The following UMAD1 variants were observed in gnomAD, a reference collection of about 807,000 sequenced individuals.
UMAD1 encodes the protein UBAP1-MVB12-associated (UMA) domain containing 1.
A neutral mutation model predicts 6.1 loss-of-function variants in UMAD1; 8 were observed. That is an observed-to-expected ratio of 1.30 (90% CI 0.76 to 2.35). The LOEUF is 2.35. Ranked by LOEUF, UMAD1 falls within the 30% of genes most tolerant of loss-of-function variation. The pLI, the probability that UMAD1 is intolerant of heterozygous loss-of-function variation, is 0.00. For synonymous variants in UMAD1, 56 were observed against 31.4 expected (o/e 1.78, Z -2.61); for missense variants, 130 against 78.4 (o/e 1.66, Z -2.49).
intron 2 of UMAD1, among the ~76,000 whole-genome samples, chr7:7,749,380 G>A (rs1250807713): frequency 6.6e-6 from 1 of 152,162 alleles, no homozygotes; most frequent in Non-Finnish European, 1.5e-5. Context: ...TATTCCACGT[G>A]AAAGCTATGT....
intron 2 of UMAD1, among the ~76,000 whole-genome samples, chr7:7,773,131 C>G (rs1412884049): frequency 2.0e-5 from 3 of 152,060 alleles, no homozygotes; most frequent in Non-Finnish European, 4.4e-5. Flanking sequence ...AGAGATTTGC[C>G]TTCAAAACAA....
At chr7:7,802,936 C>G (rs1421682128) in intron 3 of UMAD1, among the ~76,000 whole-genome samples, 2 of 152,050 alleles carry the variant, frequency 1.3e-5, no homozygotes, top group East Asian at 1.9e-4. Context: ...AAAAATCATC[C>G]TATTTAAAAC....
At chr7:7,696,079 C>T (rs556610904) in intron 2 of UMAD1, among the ~76,000 whole-genome samples, 1 of 149,072 alleles carries the variant, frequency 6.7e-6, no homozygotes, top group South Asian at 2.2e-4. Context: ...GATCACAGCT[C>T]ACTGCAGCCT....
intron 3 of UMAD1, among the ~76,000 whole-genome samples, chr7:7,845,967 G>A (rs1033006421): frequency 6.6e-6 from 1 of 152,034 alleles, no homozygotes; most frequent in Admixed American, 6.6e-5. Context: ...ATTTTCTCTT[G>A]CTAAGCTTTA....
chr7:7,801,492 C>T (rs1018458238), intron 2 of UMAD1, among the ~76,000 whole-genome samples, 178 bp from the exon 3 acceptor site: 1 of 152,122 alleles, frequency 6.6e-6, no homozygotes, highest in Non-Finnish European at 1.5e-5. Flanking sequence ...ATATATGAGA[C>T]CTGTTTATAA....
At chr7:7,848,875 C>T (rs1460068789) in intron 3 of UMAD1, among the ~76,000 whole-genome samples, 5 of 152,078 alleles carry the variant, frequency 3.3e-5, no homozygotes, top group Non-Finnish European at 5.9e-5. Context: ...ATTTAAACTA[C>T]TTTCTCAATT....
In UMAD1 at chr7:7,782,147, T is replaced by C. The variant is rs148841039; in HGVS notation, c.83-19523T>C. The stretch of plus-strand genomic sequence containing the variant: ...TAAAAACTTCTCTTTTTATTATCTG[T>C]TCTCTATTTTGCTTCTCTGTTTTGT... On this transcript the variant is annotated intron_variant, in intron 2 of 3. Transcript: ENST00000682710. 5.1e-3 allele frequency among the ~76,000 whole-genome samples: 781 copies of C among 152,240 alleles called. 10 individuals carry two copies. The highest frequency in any genetic ancestry group is 0.018 in the African/African-American group (739 of 41,574).
At chr7:7,847,104 AATATATATATATATATAT>A (rs1170307529) in intron 3 of UMAD1, among the ~76,000 whole-genome samples, 4 of 6,622 alleles carry the variant, frequency 6.0e-4, no homozygotes, top group African/African-American at 3.2e-3. Flanking sequence ...AAAAAAAAAA[AATATATATATATATATAT>A]ATATATATAT....
intron 2 of UMAD1, among the ~76,000 whole-genome samples, chr7:7,712,515 AG>A (rs1217916150): frequency 2.0e-5 from 3 of 152,312 alleles, no homozygotes; most frequent in Admixed American, 2.0e-4. Flanking sequence ...TTGCCAGCAT[AG>A]AAACATGTAG....
At chr7:7,661,342 G>A (rs1449039089) in intron 1 of UMAD1, among the ~76,000 whole-genome samples, 1 of 151,840 alleles carries the variant, frequency 6.6e-6, no homozygotes, top group Non-Finnish European at 1.5e-5. Context: ...CACCATTTTT[G>A]TTCCCTTGCT....
At chr7:7,860,182 G>T (rs1271270742) in intron 3 of UMAD1, among the ~76,000 whole-genome samples, 2 of 152,110 alleles carry the variant, frequency 1.3e-5, no homozygotes. Context: ...GATTGAAATA[G>T]TGTCAATTAT....
intron 2 of UMAD1, among the ~76,000 whole-genome samples, chr7:7,800,165 G>A (rs1782769985): frequency 6.6e-6 from 1 of 152,240 alleles, no homozygotes; most frequent in South Asian, 2.1e-4. Context: ...TTACAGGTGT[G>A]AGCCACCATG....
chr7:7,737,729 A>G (rs563552897), intron 2 of UMAD1, among the ~76,000 whole-genome samples: 2 of 152,296 alleles, frequency 1.3e-5, no homozygotes, highest in South Asian at 4.1e-4. Flanking sequence ...TGCTTGATTT[A>G]CCTACCTAAG....
chr7:7,775,800 A>G (rs1248877832), intron 2 of UMAD1, among the ~76,000 whole-genome samples: 2 of 152,240 alleles, frequency 1.3e-5, no homozygotes, highest in South Asian at 2.1e-4. Flanking sequence ...ACTTCTAGGT[A>G]TTTACTCAGG....
At chr7:7,833,514 T>G (rs553953780) in intron 3 of UMAD1, among the ~76,000 whole-genome samples, 29 of 152,244 alleles carry the variant, frequency 1.9e-4, no homozygotes, top group African/African-American at 7.0e-4. Context: ...TAGTAAGTAC[T>G]CTACAGAGTG....
chr7:7,816,618 C>T (rs1783131966), intron 3 of UMAD1, among the ~76,000 whole-genome samples: 1 of 152,172 alleles, frequency 6.6e-6, no homozygotes. Context: ...CTGAGTGAGC[C>T]AAAGTCCAAA....
chr7:7,673,567 T>C (rs935804819), intron 2 of UMAD1, 114 bp downstream of exon 2: 2 of 627,368 alleles, frequency 3.2e-6, no homozygotes, highest in Non-Finnish European at 5.6e-6. Flanking sequence ...AATTAATTTA[T>C]GTGTTTAATT....
chr7:7,788,042 G>A (rs771692982), intron 2 of UMAD1, among the ~76,000 whole-genome samples: 15 of 152,154 alleles, frequency 9.9e-5, no homozygotes, highest in Non-Finnish European at 1.9e-4. Context: ...GGAAACAGCC[G>A]TTTAGTCAGA....
rs375910269 is a variant in UMAD1 at position 7,761,363 on chromosome 7, T to TAAAAAAAAAAAAA, written c.83-40295_83-40294insAAAAAAAAAAAAA. Among the ~76,000 whole-genome samples, 73 of 121,086 alleles carry TAAAAAAAAAAAAA rather than the reference T, an allele frequency of 6.0e-4. 1 individual carries two copies. Among genetic ancestry groups the TAAAAAAAAAAAAA allele is most frequent in the Middle Eastern group, 4.5e-3 (1 of 222 alleles). 79.4% of individuals were successfully genotyped at this position (121,086 alleles called of 152,430 possible). A position where few individuals can be genotyped will look rare whatever the true frequency, so the allele number is the denominator to read the frequency against. On this transcript the variant is annotated intron_variant, in intron 2 of 3. Coordinates refer to ENST00000682710, the MANE Select transcript of UMAD1 (RefSeq NM_001302348.2). ...CTGGGTGATAAAAGTGAGACCTAAC[T>TAAAAAAAAAAAAA]AAAAAAAAAAAAGTACCACTTCTTT...
Sources: allele counts gnomAD v4.1 joint callset (sites outside exome capture counted in the v4.1 genomes callset), GRCh38; gene constraint gnomAD v4.1.1; transcripts MANE v1.5; gene names NCBI Gene and HGNC (gene_info 2026-07-23, HGNC 2026-07-21).